NALF1: variants seen among roughly 807,000 people sequenced by gnomAD.
The protein encoded by NALF1 is family with sequence similarity 155 member A.
In NALF1, 3 loss-of-function variants were observed where a neutral mutation model predicts 48.4. The observed-to-expected ratio is 0.06, with a 90% CI of 0.03 to 0.16. The LOEUF is 0.16. NALF1 is among the 10% of genes least tolerant of loss of function. The pLI is 1.00. For missense variants in NALF1, 526 were observed against 571.5 expected (o/e 0.92, Z 0.81); for synonymous variants, 262 against 245.7 (o/e 1.07, Z -0.62).
intron 1 of NALF1, among the ~76,000 whole-genome samples, chr13:107,610,837 G>A (rs1448327074): frequency 1.3e-5 from 2 of 152,240 alleles, no homozygotes; most frequent in East Asian, 1.9e-4. Flanking sequence ...GAGTCAACAC[G>A]GAGGTTTCCT....
chr13:107,552,199 T>G (rs1051599531), intron 1 of NALF1, among the ~76,000 whole-genome samples: 1 of 152,168 alleles, frequency 6.6e-6, no homozygotes, highest in Non-Finnish European at 1.5e-5. Flanking sequence ...ATGCAGAATG[T>G]AAATTTTTGG....
At chr13:107,479,569 G>T (rs1333824866) in intron 1 of NALF1, among the ~76,000 whole-genome samples, 1 of 151,962 alleles carries the variant, frequency 6.6e-6, no homozygotes, top group Non-Finnish European at 1.5e-5. Flanking sequence ...TTTGGAATTA[G>T]AATGGTTAAA....
At chr13:107,254,152 T>C (rs1486848115) in intron 1 of NALF1, among the ~76,000 whole-genome samples, 2 of 151,724 alleles carry the variant, frequency 1.3e-5, no homozygotes, top group Non-Finnish European at 2.9e-5. Flanking sequence ...AGGCAAGACA[T>C]TGGACTTTTT....
Position 107,866,244 on chromosome 13 carries a change from T to A in NALF1, c.353A>T (p.Gln118Leu). 1 of 1,593,296 alleles carries A rather than the reference T, an allele frequency of 6.3e-7. No homozygotes were observed. Among genetic ancestry groups the A allele is most frequent in the Non-Finnish European group, 8.5e-7 (1 of 1,171,552 alleles). Residue 118 changes from glutamine (Q) to leucine (L), a missense_variant, in exon 1 of 3, where the codon CAG becomes CTG. Around this residue, in one of 2 missense-constraint regions of NALF1, gnomAD observed 373 missense variants for 355.5 expected, o/e 1.05. Coordinates refer to ENST00000375915, the MANE Select transcript of NALF1 (RefSeq NM_001080396.3). This position sits in a 1 kb window ranked among gnomAD's most constrained non-coding sequence, Gnocchi z 4.4. ...GGAGGCGGAGAGGAGTCTGTGTGCC[T>A]GGGCGGCGGGCGAGGACTCCCCCAT... ...ASMGESSPAA[Q>L]AHRLLSASSS... is the part of the protein sequence containing the mutation.
At chr13:107,443,238 C>T (rs190731187) in intron 1 of NALF1, among the ~76,000 whole-genome samples, 5 of 151,912 alleles carry the variant, frequency 3.3e-5, no homozygotes, top group East Asian at 1.9e-4. Context: ...AAGTTTGAGA[C>T]GGAGTCTTGA....
chr13:107,628,175 T>C (rs1388473387), intron 1 of NALF1, among the ~76,000 whole-genome samples: 1 of 152,050 alleles, frequency 6.6e-6, no homozygotes, highest in Non-Finnish European at 1.5e-5. Context: ...CCAGATGCCC[T>C]TGTAATGGAC....
chr13:107,865,448 T>C (rs1415107174), intron 1 of NALF1, among the ~76,000 whole-genome samples: 1 of 152,104 alleles, frequency 6.6e-6, no homozygotes, highest in Non-Finnish European at 1.5e-5. Flanking sequence ...TTATCTCAGA[T>C]AACCGGGGAC....
At chr13:107,259,338 C>T (rs1236273603) in intron 1 of NALF1, among the ~76,000 whole-genome samples, 1 of 152,122 alleles carries the variant, frequency 6.6e-6, no homozygotes, top group Non-Finnish European at 1.5e-5. Context: ...GAACTGAATT[C>T]ATTGAATTTC....
At chr13:107,315,060 C>G (rs933426665) in intron 1 of NALF1, among the ~76,000 whole-genome samples, 1 of 152,116 alleles carries the variant, frequency 6.6e-6, no homozygotes, top group Admixed American at 6.6e-5. Context: ...TAAGAATTCT[C>G]AGCCCTCACT....
intron 1 of NALF1, among the ~76,000 whole-genome samples, chr13:107,328,273 T>TAC (rs34987619): frequency 0.13 from 18,187 of 143,778 alleles, 1,129 homozygotes; most frequent in East Asian, 0.15. Context: ...TCTCCTGCAA[T>TAC]ACACACACAC....
At chr13:107,592,267 G>T (rs1878620155) in intron 1 of NALF1, among the ~76,000 whole-genome samples, 1 of 151,790 alleles carries the variant, frequency 6.6e-6, no homozygotes, top group South Asian at 2.1e-4. Flanking sequence ...TGGAATACTG[G>T]CAAAACTAGT....
chr13:107,204,681 C>A (rs1192957790), intron 2 of NALF1, among the ~76,000 whole-genome samples: 2 of 152,168 alleles, frequency 1.3e-5, no homozygotes, highest in Non-Finnish European at 1.5e-5. Flanking sequence ...TATGAAGTTA[C>A]TACATTTTAC....
intron 1 of NALF1, among the ~76,000 whole-genome samples, chr13:107,535,275 G>A (rs1414316995): frequency 1.3e-5 from 2 of 152,094 alleles, no homozygotes; most frequent in Admixed American, 1.3e-4. Flanking sequence ...CCAAGGGAAT[G>A]CTTCCAGTTT....
chr13:107,454,959 C>T (rs766068129), intron 1 of NALF1, among the ~76,000 whole-genome samples: 8 of 152,034 alleles, frequency 5.3e-5, no homozygotes, highest in African/African-American at 1.7e-4. Context: ...TGATATGGTT[C>T]GACTTTGTGT....
chr13:107,747,927 G>A (rs1300217955), intron 1 of NALF1, among the ~76,000 whole-genome samples: 1 of 152,040 alleles, frequency 6.6e-6, no homozygotes, highest in Non-Finnish European at 1.5e-5. Flanking sequence ...AGAGTATATA[G>A]GATAATCTTA....
intron 1 of NALF1, among the ~76,000 whole-genome samples, chr13:107,564,665 A>T (rs1168345093): frequency 6.6e-6 from 1 of 152,186 alleles, no homozygotes; most frequent in East Asian, 1.9e-4. Flanking sequence ...GCTATGGTCA[A>T]AGCCTCCATA....
At chr13:107,524,227 A>G (rs1177518698) in intron 1 of NALF1, among the ~76,000 whole-genome samples, 1 of 152,160 alleles carries the variant, frequency 6.6e-6, no homozygotes, top group Non-Finnish European at 1.5e-5. Context: ...AACATTCAGA[A>G]GTAATATGAT....
At chr13:107,639,364 C>A (rs1336774463) in intron 1 of NALF1, among the ~76,000 whole-genome samples, 1 of 152,074 alleles carries the variant, frequency 6.6e-6, no homozygotes, top group Non-Finnish European at 1.5e-5. Context: ...TCCCCGATGA[C>A]CCAGCCAAAA....
At chr13:107,484,791 G>GAGA (rs1885302859) in intron 1 of NALF1, among the ~76,000 whole-genome samples, 1 of 152,066 alleles carries the variant, frequency 6.6e-6, no homozygotes, top group South Asian at 2.1e-4. Context: ...TCCTTTTATG[G>GAGA]ACCACAGCAG....
Sources: allele counts gnomAD v4.1 joint callset (sites outside exome capture counted in the v4.1 genomes callset), GRCh38; gene constraint gnomAD v4.1.1; regional missense constraint gnomAD v4.1.1; non-coding constraint Gnocchi (gnomAD v3.1); transcripts MANE v1.5; gene names NCBI Gene and HGNC (gene_info 2026-07-23, HGNC 2026-07-21).